The following STOX2 variants were observed in gnomAD, a reference collection of about 807,000 sequenced individuals.
STOX2 encodes storkhead-box protein 2.
In STOX2, 28 loss-of-function variants were observed where a neutral mutation model predicts 60.9. The observed-to-expected ratio is 0.46, with a 90% CI of 0.34 to 0.63. The LOEUF (loss-of-function observed/expected upper bound fraction) is 0.63, where lower values mean the gene tolerates loss of function less well. STOX2 is among the 30% of genes least tolerant of loss of function. The probability of loss-of-function intolerance (pLI) is 0.01; values close to 1 mark genes in which losing one functional copy is unlikely to be tolerated. For missense variants in STOX2, 1,024 were observed against 1,187.7 expected (o/e 0.86, Z 2.03); for synonymous variants, 472 against 463.9 (o/e 1.02, Z -0.22).
chr4:183,911,684 C>G lies in STOX2; in HGVS notation c.166+4728C>G, dbSNP rs183385343. Among the ~76,000 whole-genome samples, 10 of 152,248 alleles carry G rather than the reference C, an allele frequency of 6.6e-5. 1 individual carries two copies. Among genetic ancestry groups the G allele is most frequent in the African/African-American group, 2.2e-4 (9 of 41,538 alleles). On this transcript the variant is annotated intron_variant, in intron 1 of 3. Transcript: ENST00000308497. ...TCTGCACCTCCAGAGCAATTCTGGC[C>G]TGAAATTCCCTACACCCCGGAGAAT...
chr4:183,826,739 A>G (rs1739443849), intron 1 of STOX2, among the ~76,000 whole-genome samples: 1 of 152,208 alleles, frequency 6.6e-6, no homozygotes, highest in South Asian at 2.1e-4. Flanking sequence ...TGTCCACTAC[A>G]TAGAATGTGT....
At chr4:183,850,427 T>C (rs1740089298) in intron 1 of STOX2, among the ~76,000 whole-genome samples, 1 of 152,170 alleles carries the variant, frequency 6.6e-6, no homozygotes, top group Non-Finnish European at 1.5e-5. Context: ...ATGAGATTTC[T>C]TTTTAAAAAA....
At chr4:183,843,843 G>T (rs72695303) in intron 1 of STOX2, among the ~76,000 whole-genome samples, 2,152 of 152,120 alleles carry the variant, frequency 0.014, 27 homozygotes, top group South Asian at 0.046. Context: ...TTCTTCATAC[G>T]TCACTGTATC....
intron 1 of STOX2, among the ~76,000 whole-genome samples, chr4:183,846,824 C>T (rs774578032): frequency 4.6e-5 from 7 of 152,000 alleles, no homozygotes; most frequent in Admixed American, 1.3e-4. Context: ...TTCTTGCATG[C>T]CTTGTAATTT....
At chr4:183,967,702 A>G (rs1743619580) in intron 1 of STOX2, among the ~76,000 whole-genome samples, 1 of 152,216 alleles carries the variant, frequency 6.6e-6, no homozygotes, top group Non-Finnish European at 1.5e-5. Context: ...TGTCATGAAA[A>G]TGGTGATAGT....
intron 1 of STOX2, among the ~76,000 whole-genome samples, chr4:183,989,295 C>T (rs758589981): frequency 6.6e-6 from 1 of 150,882 alleles, no homozygotes; most frequent in Non-Finnish European, 1.5e-5. Context: ...CTCCGCTTCC[C>T]GGGTTCAAGC....
intron 1 of STOX2, among the ~76,000 whole-genome samples, chr4:183,835,503 C>T (rs1443111505): frequency 5.9e-5 from 9 of 152,106 alleles, no homozygotes; most frequent in African/African-American, 1.9e-4. Context: ...GGATTACAGG[C>T]GTGAGCCACC....
chr4:184,009,308 G>T lies in STOX2; in HGVS notation c.470G>T (p.Trp157Leu). The T allele has an allele frequency of 1.9e-6, 3 of 1,613,876 alleles. No individual in the cohort carries two copies. The highest frequency in any genetic ancestry group is 2.5e-6 in the Non-Finnish European group (3 of 1,179,866). ...TCCCTCATAAGAACTAACAGTAAAT[G>T]GTACCATTTGGACGAGAGGATACCT... ...TPSLIRTNSK[W>L]YHLDERIPDR... is the part of the protein sequence containing the mutation. The change falls in exon 3 of 4, where the codon TGG (tryptophan) becomes TTG (leucine). Residue 157 changes from tryptophan (W) to leucine (L), a missense_variant. Trp to Leu is a moderately conservative substitution (Grantham distance 61). This residue lies in a region of STOX2 where 922 missense variants were observed against 1,058.3 expected (regional missense o/e 0.87). Transcript: ENST00000308497. The surrounding 1 kb of genome is among the most constrained non-coding windows in gnomAD (Gnocchi z 4.0).
At chr4:183,989,503 C>T (rs780927457) in intron 1 of STOX2, among the ~76,000 whole-genome samples, 78 of 152,046 alleles carry the variant, frequency 5.1e-4, no homozygotes, top group Admixed American at 3.1e-3. Context: ...TGCCCGGCCT[C>T]GACATTTTTT....
chr4:184,009,868 A>G lies in STOX2; in HGVS notation c.1030A>G (p.Arg344Gly), dbSNP rs753380608. 6 of 1,611,808 alleles carry G rather than the reference A, an allele frequency of 3.7e-6. No individual in the cohort carries two copies. ...GAAACTGGAAGAAGAAAAGGCCCAG[A>G]GGAGTAAAGCCGGGTCCTCTGCCCA... ...MKKLEEEKAQRSKAGSSAHHS... is the reference protein window; with the variant it reads ...MKKLEEEKAQGSKAGSSAHHS... The change falls in exon 3 of 4, where the codon AGG becomes GGG. Residue 344 changes from arginine (R) to glycine (G), a missense_variant. This residue lies in a region of STOX2 where 922 missense variants were observed against 1,058.3 expected (regional missense o/e 0.87). Transcript: ENST00000308497. This position sits in a 1 kb window ranked among gnomAD's most constrained non-coding sequence, Gnocchi z 4.0.
intron 3 of STOX2, chr4:184,015,499 GGTTTGTTT>G (rs555324025): frequency 4.5e-5 from 5 of 111,064 alleles, no homozygotes; most frequent in African/African-American, 1.3e-4. Context: ...AAAGTCCGAG[GGTTTGTTT>G]GTTTGTTTGT....
At chr4:183,839,788 T>TG (rs917958552) in intron 1 of STOX2, among the ~76,000 whole-genome samples, 2 of 152,322 alleles carry the variant, frequency 1.3e-5, no homozygotes, top group African/African-American at 4.8e-5. Flanking sequence ...AAGTTACATA[T>TG]GGTGATGTGG....
At chr4:183,995,831 C>A (rs191630959) in intron 1 of STOX2, among the ~76,000 whole-genome samples, 2 of 152,292 alleles carry the variant, frequency 1.3e-5, no homozygotes, top group East Asian at 3.9e-4. Flanking sequence ...CTGAACCTGC[C>A]GCAGCTCCCC....
chr4:183,866,403 T>A (rs1188409611), intron 1 of STOX2, among the ~76,000 whole-genome samples: 1 of 152,206 alleles, frequency 6.6e-6, no homozygotes, highest in East Asian at 1.9e-4. Flanking sequence ...TCTGGCATCT[T>A]AAGATCCTGT....
intron 1 of STOX2, among the ~76,000 whole-genome samples, chr4:183,909,673 G>T (rs115379308): frequency 0.011 from 1,657 of 152,262 alleles, 36 homozygotes; most frequent in African/African-American, 0.038. Context: ...GGAATTTCAA[G>T]AAATAGATAT....
At chr4:183,854,085 G>A (rs1740230898) in intron 1 of STOX2, among the ~76,000 whole-genome samples, 1 of 152,174 alleles carries the variant, frequency 6.6e-6, no homozygotes, top group African/African-American at 2.4e-5. Context: ...CTCTGTAAAT[G>A]TAGAATTATC....
chr4:183,874,761 G>C (rs1437021895), intron 1 of STOX2, among the ~76,000 whole-genome samples: 5 of 149,130 alleles, frequency 3.4e-5, no homozygotes, highest in Admixed American at 1.3e-4. Context: ...CCCGTCTCTA[G>C]TAAAAATACA....
At chr4:184,014,440 G>A (rs1734284613) in intron 3 of STOX2, 2 of 152,160 alleles carry the variant, frequency 1.3e-5, no homozygotes, top group Non-Finnish European at 2.9e-5. Flanking sequence ...GCAAGAACGT[G>A]TGCTGTAGAC....
At chr4:183,812,385 T>C (rs1042851303) in intron 1 of STOX2, among the ~76,000 whole-genome samples, 6 of 152,370 alleles carry the variant, frequency 3.9e-5, no homozygotes, top group African/African-American at 1.4e-4. Flanking sequence ...TTGATAAAGT[T>C]GCATTGTGCT....
Sources: gnomAD v4.1 joint callset for allele counts (sites outside exome capture counted in the v4.1 genomes callset) on GRCh38, gnomAD v4.1.1 for gene constraint, gnomAD v4.1.1 regional missense constraint, Gnocchi (gnomAD v3.1) non-coding constraint, MANE v1.5 for transcripts, NCBI Gene and HGNC (gene_info 2026-07-23, HGNC 2026-07-21) for gene names.